RINT1: variants seen among roughly 807,000 people sequenced by gnomAD.
The protein encoded by RINT1 is RAD50 interactor 1.
RINT1 carries 75 observed loss-of-function variants against 97.7 expected under a neutral mutation model. The ratio of observed to expected loss-of-function variants is 0.77; its 90% CI spans 0.64 to 0.93. The LOEUF is 0.93. Among genes scored for constraint, RINT1 ranks in the 40% least tolerant of loss-of-function variants. The probability of loss-of-function intolerance (pLI) is 0.00; values close to 1 mark genes in which losing one functional copy is unlikely to be tolerated. For synonymous variants in RINT1, 303 were observed against 326.3 expected, an observed-to-expected ratio of 0.93 and a Z score of 0.77; for missense variants, 892 against 925.2, an observed-to-expected ratio of 0.96 and a Z score of 0.47.
At chr7:105,556,065 ACTT>A (rs1383835423) in intron 11 of RINT1, among the ~76,000 whole-genome samples, 4 of 151,520 alleles carry the variant, frequency 2.6e-5, no homozygotes, top group East Asian at 1.9e-4. Context: ...CTATCACTCA[ACTT>A]CTTTTTTTTT....
intron 11 of RINT1, among the ~76,000 whole-genome samples, chr7:105,562,694 T>TGA (rs1233879565): frequency 6.6e-6 from 1 of 151,940 alleles, no homozygotes; most frequent in African/African-American, 2.4e-5. Context: ...GTCAGGAGTT[T>TGA]GAGACCAGTC....
Position 105,565,363 on chromosome 7 carries a change from A to G in RINT1, c.1973A>G (p.His658Arg), listed in dbSNP as rs200970042. The G allele has an allele frequency of 6.1e-5, 99 of 1,614,220 alleles. No individual in the cohort carries two copies. Among genetic ancestry groups the G allele is most frequent in the Non-Finnish European group, 8.1e-5 (96 of 1,180,038 alleles). Residue 658 changes from histidine (H) to arginine (R), a missense_variant, in exon 13 of 15, where the codon CAT becomes CGT. By Grantham distance (29) the His-to-Arg change is conservative. Coordinates refer to ENST00000257700, the MANE Select transcript of RINT1 (RefSeq NM_021930.6). ...CCGTTGCTGCTGACGTTACGAGACC[A>G]TTTACTTCAGTTGGAGCAGCAGCTT... ...ACPLLLTLRD[H>R]LLQLEQQLCF... is the part of the protein sequence containing the mutation.
In RINT1 at chr7:105,548,555, G is replaced by A; in HGVS notation, c.841G>A (p.Asp281Asn). The A allele has an allele frequency of 6.2e-7, 1 of 1,613,988 alleles. No homozygotes were observed. The highest frequency in any genetic ancestry group is 1.1e-5 in the South Asian group (1 of 91,082). ...FCQLLKLQTS[D>N]ELLTEPKQLP... is the part of the protein sequence containing the mutation. ...TTTTCCTTGACTTGATTATGTCAGA[G>A]ATGAATTACTTACTGAGCCAAAGCA... The change falls in exon 7 of 15, where the codon GAT becomes AAT. Residue 281 changes from aspartate to asparagine, a missense_variant and splice_region_variant. Coordinates refer to ENST00000257700, the MANE Select transcript of RINT1 (RefSeq NM_021930.6).
intron 12 of RINT1, among the ~76,000 whole-genome samples, chr7:105,564,165 G>A (rs952495446): frequency 2.0e-5 from 3 of 152,090 alleles, no homozygotes; most frequent in Admixed American, 1.3e-4. Context: ...TTGGCTCATT[G>A]CAACCTCTGC....
intron 9 of RINT1, among the ~76,000 whole-genome samples, chr7:105,550,733 T>G (rs1415096602): frequency 6.6e-6 from 1 of 152,100 alleles, no homozygotes; most frequent in African/African-American, 2.4e-5. Flanking sequence ...GTTTTATAGA[T>G]TTTATCATAT....
Position 105,567,547 on chromosome 7 carries a change from T to G in RINT1, c.*236T>G. 1 of 673,500 alleles carries G rather than the reference T, an allele frequency of 1.5e-6. No individual in the cohort carries two copies. The highest frequency in any genetic ancestry group is 1.6e-5 in the South Asian group (1 of 62,678). 41.7% of individuals were successfully genotyped at this position (673,500 alleles called of 1,614,324 possible). ...GAAAACTCAATTCTATTTACAAGTA[T>G]AAATGCTGAGTATGTCTGTTGAAGA... is the stretch of plus-strand genomic sequence containing the variant. On this transcript the variant is annotated 3_prime_UTR_variant, in exon 15 of 15. Coordinates refer to ENST00000257700, the MANE Select transcript of RINT1 (RefSeq NM_021930.6).
intron 10 of RINT1, 116 bp from the exon 11 acceptor site, chr7:105,554,912 G>A: frequency 4.0e-6 from 3 of 743,862 alleles, no homozygotes; most frequent in East Asian, 2.6e-5. Context: ...ATCCATTCTT[G>A]ACTACTGGTC....
chr7:105,566,871 T>C (rs1464309987), intron 14 of RINT1: 1 of 266,906 alleles, frequency 3.7e-6, no homozygotes, highest in Admixed American at 5.2e-5. Context: ...TTAAGTATTG[T>C]ATTTAGGGAA....
chr7:105,555,277 T>A (rs1791134243), intron 11 of RINT1, 50 bp downstream of exon 11: 2 of 1,440,776 alleles, frequency 1.4e-6, no homozygotes, highest in African/African-American at 2.9e-5. Flanking sequence ...TTCGAACTAT[T>A]TTATTAATAC....
chr7:105,554,787 C>T (rs1791102088), intron 10 of RINT1, among the ~76,000 whole-genome samples: 1 of 152,088 alleles, frequency 6.6e-6, no homozygotes, highest in Non-Finnish European at 1.5e-5. Flanking sequence ...TTTTTGAAAA[C>T]TTGAGGTATA....
At chr7:105,542,709 GA>G in intron 4 of RINT1, 60 bp downstream of exon 4, 2 of 1,520,306 alleles carry the variant, frequency 1.3e-6, no homozygotes, top group Middle Eastern at 1.8e-4. Context: ...CTGTCTTAGA[GA>G]GTACATGTGT....
Position 105,532,270 on chromosome 7 carries a change from G to T in RINT1, c.-46G>T, listed in dbSNP as rs1341569712. On this transcript the variant is annotated 5_prime_UTR_variant, in exon 1 of 15. The change creates a new upstream start codon in the 5' untranslated region. Coordinates refer to ENST00000257700, the MANE Select transcript of RINT1 (RefSeq NM_021930.6). ...TCGCTGGCCTTAGCCAGACTCCACA[G>T]GCCACGCTGGCTGCGAATGGAGCCG... 5.2e-6 allele frequency: 8 copies of T among 1,550,422 alleles called. No individual in the cohort carries two copies. The highest frequency in any genetic ancestry group is 6.9e-6 in the Non-Finnish European group (8 of 1,151,772).
intron 10 of RINT1, among the ~76,000 whole-genome samples, chr7:105,552,059 C>A (rs544500630): frequency 1.3e-5 from 2 of 151,966 alleles, no homozygotes; most frequent in East Asian, 1.9e-4. Context: ...CAGAGTGAGA[C>A]CCTGTCAATA....
chr7:105,533,086 A>G (rs1376238482), intron 2 of RINT1, among the ~76,000 whole-genome samples: 1 of 152,218 alleles, frequency 6.6e-6, no homozygotes, highest in African/African-American at 2.4e-5. Context: ...TTCCCGATCC[A>G]TACCTAGTAC....
At chr7:105,541,246 C>T (rs1164137004) in intron 3 of RINT1, among the ~76,000 whole-genome samples, 1 of 151,712 alleles carries the variant, frequency 6.6e-6, no homozygotes, top group Non-Finnish European at 1.5e-5. Context: ...TCAAGTGATT[C>T]TTGCCTTGGC....
At chr7:105,561,825 G>T (rs931279693) in intron 11 of RINT1, among the ~76,000 whole-genome samples, 2 of 152,036 alleles carry the variant, frequency 1.3e-5, no homozygotes, top group East Asian at 3.9e-4. Flanking sequence ...GCCTCCCAAA[G>T]TGCTGAGATT....
chr7:105,553,248 A>G (rs1791012385), intron 10 of RINT1, among the ~76,000 whole-genome samples: 1 of 150,938 alleles, frequency 6.6e-6, no homozygotes, highest in Non-Finnish European at 1.5e-5. Context: ...TTTTTGAGAC[A>G]GAATTTCGCT....
At chr7:105,539,780 C>T (rs1790384350) in intron 3 of RINT1, among the ~76,000 whole-genome samples, 1 of 152,170 alleles carries the variant, frequency 6.6e-6, no homozygotes, top group Non-Finnish European at 1.5e-5. Flanking sequence ...TGTATTACAA[C>T]AAGATCTTTA....
chr7:105,547,261 G>C lies in RINT1; in HGVS notation c.767G>C (p.Arg256Pro), dbSNP rs199512216. Reference sequence around the variant, plus strand: ...CAATCACAAACTGTTGGCTTAAGTCGACCTGCCAGTGCCCCGGAGATATAC... The same window carrying C: ...CAATCACAAACTGTTGGCTTAAGTCCACCTGCCAGTGCCCCGGAGATATAC... ...PPQSQTVGLS[R>P]PASAPEIYSY... The change falls in exon 6 of 15, where the codon CGA (arginine) becomes CCA (proline). Residue 256 changes from arginine (R) to proline (P), a missense_variant. By Grantham distance (103) the Arg-to-Pro change is moderately radical (BLOSUM62 -2). Coordinates refer to ENST00000257700, the MANE Select transcript of RINT1 (RefSeq NM_021930.6). 3.5e-5 allele frequency: 57 copies of C among 1,614,114 alleles called. 2 individuals carry two copies. The highest frequency in any genetic ancestry group is 2.5e-4 in the South Asian group (23 of 91,088).
Sources: allele counts gnomAD v4.1 joint callset (sites outside exome capture counted in the v4.1 genomes callset), GRCh38; gene constraint gnomAD v4.1.1; transcripts MANE v1.5; gene names NCBI Gene and HGNC (gene_info 2026-07-23, HGNC 2026-07-21).